Variants in BCAP29 observed in about 807,000 individuals in gnomAD.
BCAP29 encodes the protein B cell receptor associated protein 29, also known as B-cell receptor-associated protein 29.
BCAP29 carries 34 observed loss-of-function variants against 31.8 expected under a neutral mutation model. The observed-to-expected ratio is 1.07, with a 90% CI of 0.81 to 1.42. The LOEUF is 1.42. BCAP29 is among the 40% of genes most tolerant of loss of function. The pLI is 0.00. For missense variants in BCAP29, 314 were observed against 269.2 expected (o/e 1.17, Z -1.16); for synonymous variants, 104 against 91.3 (o/e 1.14, Z -0.79).
chr7:107,596,143 T>A, intron 5 of BCAP29, 141 bp downstream of exon 5: 1 of 709,468 alleles, frequency 1.4e-6, no homozygotes, highest in Non-Finnish European at 2.1e-6. Context: ...GTAATGATTA[T>A]TTCAAGAATA....
intron 3 of BCAP29, among the ~76,000 whole-genome samples, chr7:107,588,258 G>T (rs748871894): frequency 1.1e-4 from 16 of 152,082 alleles, no homozygotes; most frequent in Non-Finnish European, 1.9e-4. Flanking sequence ...AAAAATTAAG[G>T]ATTTTTTAAG....
intron 3 of BCAP29, among the ~76,000 whole-genome samples, chr7:107,586,556 A>G (rs939231481): frequency 6.6e-6 from 1 of 152,184 alleles, no homozygotes; most frequent in Non-Finnish European, 1.5e-5. Context: ...ACGCAGTAAC[A>G]TATGTAAAGT....
downstream of BCAP29, chr7:107,622,254 C>T (rs1205098865): frequency 5.8e-6 from 1 of 171,536 alleles, no homozygotes; most frequent in African/African-American, 2.4e-5. Flanking sequence ...CATGTCATTC[C>T]CTGCTTGTCT....
At chr7:107,598,466 A>C (rs1810254587) in intron 5 of BCAP29, among the ~76,000 whole-genome samples, 1 of 152,152 alleles carries the variant, frequency 6.6e-6, no homozygotes, top group African/African-American at 2.4e-5. Flanking sequence ...TGAGCTGCCT[A>C]ATCTCTATAT....
At chr7:107,608,287 T>C (rs569750810) in intron 6 of BCAP29, among the ~76,000 whole-genome samples, 1 of 152,270 alleles carries the variant, frequency 6.6e-6, no homozygotes, top group East Asian at 1.9e-4. Context: ...TCTACACAGA[T>C]TTGTCTGTTG....
At chr7:107,617,752 G>T (rs113403958) in intron 7 of BCAP29, among the ~76,000 whole-genome samples, 1 of 152,136 alleles carries the variant, frequency 6.6e-6, no homozygotes, top group Non-Finnish European at 1.5e-5. Flanking sequence ...AGAGCTTGAC[G>T]AACTTCTTTA....
chr7:107,597,534 G>T (rs185274421), intron 5 of BCAP29, among the ~76,000 whole-genome samples: 24 of 152,264 alleles, frequency 1.6e-4, no homozygotes, highest in Admixed American at 1.0e-3. Flanking sequence ...AGTTAACATT[G>T]TGCCAGGTAT....
At chr7:107,583,205 C>T (rs774366739) in intron 2 of BCAP29, among the ~76,000 whole-genome samples, 4 of 152,000 alleles carry the variant, frequency 2.6e-5, no homozygotes, top group Non-Finnish European at 4.4e-5. Context: ...TGCTTTCTTA[C>T]CACTGTCTTT....
chr7:107,601,650 T>A (rs926890904), intron 6 of BCAP29, among the ~76,000 whole-genome samples: 1 of 152,230 alleles, frequency 6.6e-6, no homozygotes, highest in South Asian at 2.1e-4. Flanking sequence ...TGTTATTGTT[T>A]ATATGAAAAT....
chr7:107,595,759 C>A, intron 4 of BCAP29, 108 bp from the exon 5 acceptor site: 1 of 1,199,856 alleles, frequency 8.3e-7, no homozygotes, highest in Non-Finnish European at 1.2e-6. Flanking sequence ...TAAACATTAT[C>A]TGCCACCACC....
intron 4 of BCAP29, among the ~76,000 whole-genome samples, chr7:107,594,960 G>A (rs1294848830): frequency 1.3e-5 from 2 of 152,156 alleles, no homozygotes; most frequent in Non-Finnish European, 2.9e-5. Context: ...TCTCTGAGAT[G>A]TACAATACAT....
rs1171183861 is a variant in BCAP29, at chr7:107,599,279, TA to T, written c.481-1116del. Reference sequence around the variant, plus strand: ...TAATTTTTATATATATATTTATATATAATTTTTATATATAAATTATATATAA... The same window carrying T: ...TAATTTTTATATATATATTTATATATATTTTTATATATAAATTATATATAA... On this transcript the variant is annotated intron_variant, in intron 5 of 7. Coordinates refer to ENST00000005259, the MANE Select transcript of BCAP29 (RefSeq NM_018844.4). Among the ~76,000 whole-genome samples the T allele has an allele frequency of 3.9e-4, 46 of 117,034 alleles. 5 individuals are homozygous for T. The highest frequency in any genetic ancestry group is 1.6e-3 in the African/African-American group (44 of 26,900). 76.8% of individuals were successfully genotyped at this position (117,034 alleles called of 152,430 possible).
intron 5 of BCAP29, among the ~76,000 whole-genome samples, chr7:107,599,647 A>G (rs760909383): frequency 5.3e-5 from 8 of 151,814 alleles, no homozygotes; most frequent in Non-Finnish European, 1.0e-4. Context: ...ATGCTTTATC[A>G]TTTCTTTAAG....
At chr7:107,607,093 T>A (rs1812243359) in intron 6 of BCAP29, among the ~76,000 whole-genome samples, 1 of 152,170 alleles carries the variant, frequency 6.6e-6, no homozygotes, top group Admixed American at 6.5e-5. Flanking sequence ...GGCAGGTGGA[T>A]CATTTGAGCT....
At chr7:107,583,267 G>A (rs1316313755) in intron 2 of BCAP29, among the ~76,000 whole-genome samples, 1 of 151,258 alleles carries the variant, frequency 6.6e-6, no homozygotes, top group East Asian at 1.9e-4. Context: ...TTTCCTCTAT[G>A]TTCACATCTT....
chr7:107,587,840 A>G (rs1041247813), intron 3 of BCAP29: 10 of 152,118 alleles, frequency 6.6e-5, no homozygotes, highest in African/African-American at 1.9e-4. Context: ...AAAGCAAAAA[A>G]CCAGATAGTT....
rs761632111 is a variant in BCAP29, at chr7:107,600,525, A to G, written c.589+20A>G. 7.2e-7 allele frequency: 1 copy of G among 1,393,336 alleles called. No individual in the cohort carries two copies. Among genetic ancestry groups the G allele is most frequent in the South Asian group, 1.2e-5 (1 of 84,084 alleles). 86.3% of individuals were successfully genotyped at this position (1,393,336 alleles called of 1,614,324 possible). A position where few individuals can be genotyped will look rare whatever the true frequency, so the allele number is the denominator to read the frequency against. On this transcript the variant is annotated intron_variant, in intron 6 of 7. Coordinates refer to ENST00000005259, the MANE Select transcript of BCAP29 (RefSeq NM_018844.4). ...CAGATGGTAACTTTGTGTACATGTG[A>G]AAAAGTAAAAAGACTAGCATGATAT...
intron 2 of BCAP29, among the ~76,000 whole-genome samples, chr7:107,581,877 C>T (rs1376202701): frequency 6.6e-6 from 1 of 152,152 alleles, no homozygotes; most frequent in Non-Finnish European, 1.5e-5. Flanking sequence ...ACTGTAGGGT[C>T]TTTGATCTTA....
At chr7:107,586,000 A>G (rs932702982) in intron 3 of BCAP29, among the ~76,000 whole-genome samples, 2 of 152,182 alleles carry the variant, frequency 1.3e-5, no homozygotes, top group African/African-American at 2.4e-5. Flanking sequence ...TCAAAAAAAA[A>G]GAAACCAACT....
Sources: gnomAD v4.1 joint callset for allele counts (sites outside exome capture counted in the v4.1 genomes callset) on GRCh38, gnomAD v4.1.1 for gene constraint, MANE v1.5 for transcripts, NCBI Gene and HGNC (gene_info 2026-07-23, HGNC 2026-07-21) for gene names.